Variants in NKAIN3 observed in about 807,000 individuals in gnomAD.
NKAIN3 encodes sodium/potassium transporting ATPase interacting 3, also known as sodium/potassium-transporting ATPase subunit beta-1-interacting protein 3.
In NKAIN3, 25 loss-of-function variants were observed where a neutral mutation model predicts 30.2. The observed-to-expected ratio is 0.83, with a 90% CI of 0.60 to 1.16. NKAIN3 has a LOEUF of 1.16. NKAIN3 is among the 50% of genes most tolerant of loss of function. The pLI, the probability that NKAIN3 is intolerant of heterozygous loss-of-function variation, is 0.00. For missense variants in NKAIN3, 225 were observed against 254.1 expected (o/e 0.89, Z 0.78); for synonymous variants, 91 against 89.6 (o/e 1.02, Z -0.09).
At chr8:62,280,527 T>A (rs577859618) in intron 1 of NKAIN3, among the ~76,000 whole-genome samples, 1 of 152,234 alleles carries the variant, frequency 6.6e-6, no homozygotes. Flanking sequence ...TAAATAGCTC[T>A]TATTATTTTG....
In NKAIN3 at chr8:62,382,808, C is replaced by T. The variant is rs143833292; in HGVS notation, c.54+133681C>T. Among the ~76,000 whole-genome samples the T allele has an allele frequency of 6.3e-3, 966 of 152,196 alleles. 15 individuals are homozygous for T. The highest frequency in any genetic ancestry group is 0.022 in the African/African-American group (924 of 41,536). Reference sequence around the variant, plus strand: ...GATATCTATATTTTGAAACCCTTCACGCTCCACCTTTTTTCCATATCCAAA... The same window carrying T: ...GATATCTATATTTTGAAACCCTTCATGCTCCACCTTTTTTCCATATCCAAA... On this transcript the variant is annotated intron_variant, in intron 1 of 6. Transcript: ENST00000623646.
At chr8:62,392,021 A>G (rs552655588) in intron 1 of NKAIN3, among the ~76,000 whole-genome samples, 1 of 152,074 alleles carries the variant, frequency 6.6e-6, no homozygotes, top group African/African-American at 2.4e-5. Context: ...AACAACAAGG[A>G]AACATTCACT....
At chr8:62,522,830 T>A (rs559059327) in intron 1 of NKAIN3, among the ~76,000 whole-genome samples, 18 of 152,152 alleles carry the variant, frequency 1.2e-4, no homozygotes, top group Middle Eastern at 3.4e-3. Context: ...AAGCTAAGTG[T>A]TATTGCAAGA....
At chr8:62,622,270 A>G (rs1811641702) in intron 3 of NKAIN3, among the ~76,000 whole-genome samples, 1 of 151,986 alleles carries the variant, frequency 6.6e-6, no homozygotes, top group Admixed American at 6.6e-5. Context: ...TTTTGTGTGA[A>G]CCTAAGTTTT....
At chr8:62,659,044 C>T (rs569660886) in intron 3 of NKAIN3, among the ~76,000 whole-genome samples, 2 of 152,284 alleles carry the variant, frequency 1.3e-5, no homozygotes, top group South Asian at 4.2e-4. Context: ...CATTATTTTT[C>T]ACCCTCCAGG....
chr8:62,707,202 T>A (rs1401828294), intron 3 of NKAIN3, among the ~76,000 whole-genome samples: 1 of 148,382 alleles, frequency 6.7e-6, no homozygotes, highest in Admixed American at 6.7e-5. Flanking sequence ...TGTGCAAGTA[T>A]CTTTTTCAAA....
intron 3 of NKAIN3, among the ~76,000 whole-genome samples, chr8:62,610,466 G>T (rs993944002): frequency 6.6e-6 from 1 of 152,060 alleles, no homozygotes; most frequent in Non-Finnish European, 1.5e-5. Flanking sequence ...GATAGTAGTA[G>T]AGGTGGTGCA....
intron 1 of NKAIN3, among the ~76,000 whole-genome samples, chr8:62,478,254 T>G (rs1273654620): frequency 6.6e-6 from 1 of 152,134 alleles, no homozygotes; most frequent in African/African-American, 2.4e-5. Flanking sequence ...TCCAGCTAGT[T>G]AGTAGTTGCT....
chr8:62,633,961 G>A (rs934028110), intron 3 of NKAIN3, among the ~76,000 whole-genome samples: 3 of 152,038 alleles, frequency 2.0e-5, no homozygotes, highest in Non-Finnish European at 4.4e-5. Flanking sequence ...GTAGATTTTG[G>A]ACTATCCTTC....
At chr8:62,655,744 C>A (rs781130271) in intron 3 of NKAIN3, among the ~76,000 whole-genome samples, 1 of 151,862 alleles carries the variant, frequency 6.6e-6, no homozygotes, top group Admixed American at 6.6e-5. Context: ...TGCAGGCAGG[C>A]GGATATACAG....
chr8:62,971,759 G>A lies in NKAIN3; in HGVS notation c.*6352G>A, dbSNP rs1823839997. ...ATTTCTTGGAACAGTGTTTTCATTT[G>A]TAGTACTTTATAACACATTCTAGAA... is the stretch of plus-strand genomic sequence containing the variant. On this transcript the variant is annotated 3_prime_UTR_variant, in exon 7 of 7. Coordinates refer to ENST00000623646, the MANE Select transcript of NKAIN3 (RefSeq NM_001304533.3). 6.6e-6 allele frequency among the ~76,000 whole-genome samples: 1 copy of A among 152,114 alleles called. No individual in the cohort carries two copies. Among genetic ancestry groups the A allele is most frequent in the Non-Finnish European group, 1.5e-5 (1 of 68,024 alleles).
At chr8:62,819,445 A>C (rs1466961551) in intron 4 of NKAIN3, among the ~76,000 whole-genome samples, 1 of 152,072 alleles carries the variant, frequency 6.6e-6, no homozygotes, top group East Asian at 1.9e-4. Flanking sequence ...AGTAAAATTT[A>C]TTCCACAATC....
intron 1 of NKAIN3, among the ~76,000 whole-genome samples, chr8:62,435,666 A>G (rs1805148898): frequency 6.6e-6 from 1 of 152,198 alleles, no homozygotes; most frequent in African/African-American, 2.4e-5. Flanking sequence ...TAAAATGCTT[A>G]GAAATTAATA....
At chr8:62,684,239 A>G (rs1455575747) in intron 3 of NKAIN3, among the ~76,000 whole-genome samples, 1 of 151,424 alleles carries the variant, frequency 6.6e-6, no homozygotes, top group Non-Finnish European at 1.5e-5. Context: ...TTCATTCCCT[A>G]CTCCACCAGC....
At chr8:62,961,055 A>G (rs1165919271) in intron 6 of NKAIN3, among the ~76,000 whole-genome samples, 1 of 152,122 alleles carries the variant, frequency 6.6e-6, no homozygotes, top group East Asian at 1.9e-4. Flanking sequence ...CGAGGCGGGC[A>G]GATCACTTGA....
At position 62,820,092 on chromosome 8, in the gene NKAIN3, C is replaced by T. The variant is rs193028413; in HGVS notation, c.471+72963C>T. Among the ~76,000 whole-genome samples the T allele has an allele frequency of 5.9e-3, 896 of 152,172 alleles. 9 individuals carry two copies. Among genetic ancestry groups the T allele is most frequent in the African/African-American group, 0.02 (837 of 41,546 alleles). Reference sequence around the variant, plus strand: ...TGAAAGATAGTTAGGAACCACATGACTAATAGTATTTCCAAACTAACAAGT... The same window carrying T: ...TGAAAGATAGTTAGGAACCACATGATTAATAGTATTTCCAAACTAACAAGT... On this transcript the variant is annotated intron_variant, in intron 4 of 6. Transcript: ENST00000623646.
intron 1 of NKAIN3, among the ~76,000 whole-genome samples, chr8:62,325,150 A>G (rs1815073594): frequency 6.6e-6 from 1 of 152,056 alleles, no homozygotes. Context: ...CTTCACCCTG[A>G]GTCCCCAAAG....
chr8:62,888,949 G>T (rs1231148008), intron 4 of NKAIN3, among the ~76,000 whole-genome samples: 1 of 152,042 alleles, frequency 6.6e-6, no homozygotes, highest in Non-Finnish European at 1.5e-5. Context: ...GATTTGAGAG[G>T]TTCCAAAGAA....
chr8:62,521,624 A>G (rs897453511), intron 1 of NKAIN3, among the ~76,000 whole-genome samples: 1 of 152,148 alleles, frequency 6.6e-6, no homozygotes, highest in African/African-American at 2.4e-5. Context: ...GAATTGCTTT[A>G]GTTGCTGGTA....
Sources: gnomAD v4.1 joint callset for allele counts (sites outside exome capture counted in the v4.1 genomes callset) on GRCh38, gnomAD v4.1.1 for gene constraint, MANE v1.5 for transcripts, NCBI Gene and HGNC (gene_info 2026-07-23, HGNC 2026-07-21) for gene names.